Variants in UNC13C observed in about 807,000 individuals in gnomAD.
UNC13C encodes protein unc-13 homolog C.
Under a neutral mutation model 245.4 loss-of-function variants are expected in UNC13C, and 174 were observed. The ratio of observed to expected loss-of-function variants is 0.71; its 90% CI spans 0.63 to 0.80. UNC13C has a LOEUF of 0.80. UNC13C is among the 30% of genes least tolerant of loss of function. UNC13C has a pLI of 0.00. For missense variants in UNC13C, 2,829 were observed against 2,602.9 expected (o/e 1.09, Z -1.89); for synonymous variants, 992 against 895.1 (o/e 1.11, Z -1.93).
chr15:54,263,404 G>T (rs1444014717), intron 8 of UNC13C, among the ~76,000 whole-genome samples: 1 of 152,144 alleles, frequency 6.6e-6, no homozygotes, highest in Non-Finnish European at 1.5e-5. Context: ...TATCTAGCCA[G>T]TAGCTTAAGG....
chr15:54,296,656 A>G (rs2037444646), intron 11 of UNC13C, among the ~76,000 whole-genome samples: 2 of 152,308 alleles, frequency 1.3e-5, no homozygotes, highest in African/African-American at 4.8e-5. Context: ...AAGTCAGCAG[A>G]CATTCCACAA....
At chr15:54,125,002 T>C (rs2030939142) in intron 2 of UNC13C, among the ~76,000 whole-genome samples, 1 of 152,200 alleles carries the variant, frequency 6.6e-6, no homozygotes, top group East Asian at 1.9e-4. Context: ...CTAAATGCCA[T>C]TCCATTTACC....
chr15:53,921,337 AT>A, the UNC13C span, among the ~76,000 whole-genome samples: 5 of 152,188 alleles, frequency 3.3e-5, no homozygotes, highest in Non-Finnish European at 7.3e-5. Context: ...AGAATATTCC[AT>A]TTATAATAAG....
intron 29 of UNC13C, among the ~76,000 whole-genome samples, chr15:54,566,451 T>C (rs1390292613): frequency 6.6e-6 from 1 of 152,104 alleles, no homozygotes; most frequent in Non-Finnish European, 1.5e-5. Context: ...AGAGAAGACA[T>C]TTTTTCTGTG....
intron 31 of UNC13C, among the ~76,000 whole-genome samples, chr15:54,623,382 TATC>T (rs1900920403): frequency 6.6e-6 from 1 of 152,162 alleles, no homozygotes; most frequent in Non-Finnish European, 1.5e-5. Flanking sequence ...CACATTATAA[TATC>T]ATTTTGTATA....
chr15:54,372,753 C>T (rs967855144), intron 17 of UNC13C, among the ~76,000 whole-genome samples: 8 of 152,138 alleles, frequency 5.3e-5, no homozygotes, highest in African/African-American at 1.9e-4. Context: ...GAATTGCATG[C>T]AGAAATTTCA....
At chr15:54,223,082 G>A (rs995687591) in intron 4 of UNC13C, among the ~76,000 whole-genome samples, 5 of 152,096 alleles carry the variant, frequency 3.3e-5, no homozygotes, top group African/African-American at 1.2e-4. Flanking sequence ...TTGCTGTGCA[G>A]AAGCTTTTAA....
At chr15:54,235,470 C>T (rs2035668398) in intron 5 of UNC13C, among the ~76,000 whole-genome samples, 1 of 150,514 alleles carries the variant, frequency 6.6e-6, no homozygotes, top group South Asian at 2.1e-4. Flanking sequence ...TTTATTTAAA[C>T]TTCTTCACCT....
chr15:54,251,830 C>T (rs1375516994), intron 8 of UNC13C, among the ~76,000 whole-genome samples: 2 of 152,158 alleles, frequency 1.3e-5, no homozygotes, highest in African/African-American at 4.8e-5. Context: ...GCTGTCACAG[C>T]TGACTTGTTG....
At chr15:54,390,519 T>C (rs1246446812) in intron 17 of UNC13C, among the ~76,000 whole-genome samples, 1 of 152,082 alleles carries the variant, frequency 6.6e-6, no homozygotes, top group Non-Finnish European at 1.5e-5. Flanking sequence ...TTTTAGTCAC[T>C]ATTATAATAA....
chr15:54,064,824 T>C (rs1898001915), intron 2 of UNC13C, among the ~76,000 whole-genome samples: 1 of 152,172 alleles, frequency 6.6e-6, no homozygotes, highest in African/African-American at 2.4e-5. Flanking sequence ...TATTAGAGGT[T>C]TTAATTTGCT....
chr15:54,524,038 A>G (rs1361200505), intron 24 of UNC13C, among the ~76,000 whole-genome samples: 1 of 152,180 alleles, frequency 6.6e-6, no homozygotes, highest in Non-Finnish European at 1.5e-5. Context: ...GGGGTTAGGG[A>G]GTTATAGTTT....
chr15:54,355,013 C>T (rs771997186), intron 17 of UNC13C, among the ~76,000 whole-genome samples: 1 of 152,018 alleles, frequency 6.6e-6, no homozygotes, highest in Non-Finnish European at 1.5e-5. Flanking sequence ...TTTATTGGAA[C>T]AGGAAGAAAG....
intron 10 of UNC13C, among the ~76,000 whole-genome samples, chr15:54,265,993 C>T (rs141178220): frequency 3.3e-5 from 5 of 152,016 alleles, no homozygotes; most frequent in African/African-American, 7.2e-5. Context: ...TATTTTTAAA[C>T]CTCTTACATC....
At chr15:54,517,901 A>G (rs1451596759) in intron 24 of UNC13C, among the ~76,000 whole-genome samples, 1 of 152,224 alleles carries the variant, frequency 6.6e-6, no homozygotes, top group African/African-American at 2.4e-5. Flanking sequence ...GCAACAATTC[A>G]GAAATAAACT....
chr15:53,888,864 G>A, the UNC13C span, among the ~76,000 whole-genome samples: 146 of 152,192 alleles, frequency 9.6e-4, 1 homozygote, highest in African/African-American at 3.4e-3. Flanking sequence ...GGTTGTAGAT[G>A]TGTGGTGTTA....
At chr15:54,434,471 G>A (rs2040938574) in intron 19 of UNC13C, among the ~76,000 whole-genome samples, 1 of 151,656 alleles carries the variant, frequency 6.6e-6, no homozygotes, top group Admixed American at 6.6e-5. Flanking sequence ...ATGACAAAAA[G>A]GAGCAATGGG....
At chr15:54,483,402 G>T (rs989141796) in intron 19 of UNC13C, among the ~76,000 whole-genome samples, 4 of 125,620 alleles carry the variant, frequency 3.2e-5, no homozygotes, top group Non-Finnish European at 5.2e-5. Context: ...TCAGACTAAG[G>T]TTTGTGAACT....
intron 2 of UNC13C, among the ~76,000 whole-genome samples, chr15:54,081,210 CCTTA>C (rs1898920289): frequency 6.6e-6 from 1 of 151,766 alleles, no homozygotes; most frequent in Non-Finnish European, 1.5e-5. Context: ...GTGAGATTTG[CCTTA>C]TGACCATTTT....
Sources: gnomAD v4.1 joint callset for allele counts (sites outside exome capture counted in the v4.1 genomes callset) on GRCh38, gnomAD v4.1.1 for gene constraint, MANE v1.5 for transcripts, NCBI Gene and HGNC (gene_info 2026-07-23, HGNC 2026-07-21) for gene names.